The following RYR2 variants were observed in gnomAD, a reference collection of about 807,000 sequenced individuals.
The protein encoded by RYR2 is cardiac muscle ryanodine receptor-calcium release channel.
In RYR2, 227 loss-of-function variants were observed where a neutral mutation model predicts 601.1. That is an observed-to-expected ratio of 0.38 (90% CI 0.34 to 0.42). The LOEUF (loss-of-function observed/expected upper bound fraction) is 0.42, where lower values mean the gene tolerates loss of function less well. RYR2 is among the 10% of genes least tolerant of loss of function. The pLI is 1.00. For missense variants in RYR2, 4,646 were observed against 6,156.5 expected (o/e 0.75, Z 8.21); for synonymous variants, 2,223 against 2,175.1 (o/e 1.02, Z -0.61).
intron 5 of RYR2, 46 bp from the exon 6 acceptor site, chr1:237,369,486 CTT>C (rs781567832): frequency 6.8e-7 from 1 of 1,470,164 alleles, no homozygotes; most frequent in African/African-American, 1.4e-5. Flanking sequence ...TTAAGTTACT[CTT>C]TTGTGTTTTT....
rs183981893 is a variant in RYR2, at chr1:237,355,323, T to C, written c.274-642T>C. ...TGTAGAGACAGTCTTTGTTGACATA[T>C]GGCTTTTTTGTTTGTTCTGTTTACA... On this transcript the variant is annotated intron_variant, in intron 3 of 104. Coordinates refer to ENST00000366574, the MANE Select transcript of RYR2 (RefSeq NM_001035.3). Among the ~76,000 whole-genome samples, 30 of 152,286 alleles carry C rather than the reference T, an allele frequency of 2.0e-4. No individual in the cohort carries two copies. The East Asian group carries it at 5.8e-3, about 29-fold the overall frequency.
intron 1 of RYR2, among the ~76,000 whole-genome samples, chr1:237,148,841 T>C (rs1674373644): frequency 6.6e-6 from 1 of 152,076 alleles, no homozygotes; most frequent in Admixed American, 6.6e-5. Flanking sequence ...CTAAGACCTT[T>C]GTGATTTTAT....
At chr1:237,488,223 A>T (rs1381584927) in intron 17 of RYR2, among the ~76,000 whole-genome samples, 1 of 152,088 alleles carries the variant, frequency 6.6e-6, no homozygotes, top group Non-Finnish European at 1.5e-5. Flanking sequence ...TCTTTTTCTG[A>T]AAAAGGCTAG....
chr1:237,435,224 T>A (rs931516884), intron 12 of RYR2, among the ~76,000 whole-genome samples: 2 of 152,240 alleles, frequency 1.3e-5, no homozygotes, highest in Middle Eastern at 3.2e-3. Context: ...TGTCAAACAA[T>A]GTGCTGAGCA....
intron 1 of RYR2, among the ~76,000 whole-genome samples, chr1:237,104,565 C>A (rs1245555644): frequency 6.6e-6 from 1 of 152,152 alleles, no homozygotes. Context: ...AGGTGCTGTT[C>A]CCTTGCCTTT....
intron 1 of RYR2, among the ~76,000 whole-genome samples, chr1:237,086,777 C>T (rs1408392593): frequency 6.6e-6 from 1 of 152,150 alleles, no homozygotes; most frequent in African/African-American, 2.4e-5. Flanking sequence ...AGGTCACAGG[C>T]AGCGTTATGG....
In RYR2 at chr1:237,732,033, G is replaced by A. The variant is rs376086028; in HGVS notation, c.10936-13G>A. On this transcript the variant is annotated splice_polypyrimidine_tract_variant and intron_variant, in intron 77 of 104. Transcript: ENST00000366574. Reference sequence around the variant, plus strand: ...TTTTAATGTGACATTTTATAAATTTGACTTTTTTGCAGAAACCTGGGGCTG... The same window carrying A: ...TTTTAATGTGACATTTTATAAATTTAACTTTTTTGCAGAAACCTGGGGCTG... The A allele has an allele frequency of 6.4e-7, 1 of 1,554,262 alleles. No homozygotes were observed. The highest frequency in any genetic ancestry group is 8.8e-7 in the Non-Finnish European group (1 of 1,135,070).
intron 95 of RYR2, among the ~76,000 whole-genome samples, chr1:237,794,391 C>A (rs1349071586): frequency 6.6e-6 from 1 of 152,160 alleles, no homozygotes; most frequent in Non-Finnish European, 1.5e-5. Flanking sequence ...TTGAATTTTA[C>A]ACCTTGAATA....
At chr1:237,533,740 CTT>C (rs1668350775) in intron 25 of RYR2, among the ~76,000 whole-genome samples, 2 of 152,058 alleles carry the variant, frequency 1.3e-5, no homozygotes, top group African/African-American at 2.4e-5. Context: ...TAAGGACTGA[CTT>C]TTAAAAATCA....
intron 16 of RYR2, among the ~76,000 whole-genome samples, chr1:237,464,264 T>G (rs2150272269): frequency 6.6e-6 from 1 of 152,300 alleles, no homozygotes; most frequent in East Asian, 1.9e-4. Context: ...GTTACATTTT[T>G]TTGGACTTCC....
intron 1 of RYR2, among the ~76,000 whole-genome samples, chr1:237,050,521 A>G (rs935173568): frequency 4.6e-5 from 7 of 152,208 alleles, no homozygotes; most frequent in African/African-American, 1.7e-4. Flanking sequence ...TACTATGGCA[A>G]GCACTTTTTT....
At chr1:237,242,198 TTTTGTTTGTTTGTTTG>T (rs55825600) in intron 1 of RYR2, among the ~76,000 whole-genome samples, 2 of 150,496 alleles carry the variant, frequency 1.3e-5, no homozygotes, top group Non-Finnish European at 3.0e-5. Context: ...TCACTGTTTT[TTTTGTTTGTTTGTTTG>T]TTTGTTTGTT....
chr1:237,590,622 C>T lies in RYR2; in HGVS notation c.3808-18C>T, dbSNP rs996356470. ...CAATGGTGATTGGAATGTGAACTAT[C>T]GCTTCTTCGTTTGCTAGGTGACCAG... is the stretch of plus-strand genomic sequence containing the variant. On this transcript the variant is annotated intron_variant, in intron 30 of 104. Coordinates refer to ENST00000366574, the MANE Select transcript of RYR2 (RefSeq NM_001035.3). 6.7e-6 allele frequency: 10 copies of T among 1,489,722 alleles called. No individual in the cohort carries two copies. Among genetic ancestry groups the T allele is most frequent in the Middle Eastern group, 1.8e-4 (1 of 5,560 alleles). 92.3% of individuals were successfully genotyped at this position (1,489,722 alleles called of 1,614,324 possible). A position where few individuals can be genotyped will look rare whatever the true frequency, so the allele number is the denominator to read the frequency against.
chr1:237,284,525 T>TTG (rs1269783915), intron 2 of RYR2, among the ~76,000 whole-genome samples: 1 of 122,040 alleles, frequency 8.2e-6, no homozygotes, highest in South Asian at 2.6e-4. Context: ...AATATATGTA[T>TTG]TGTGTGTATA....
At chr1:237,633,287 G>A (rs187767646) in intron 42 of RYR2, among the ~76,000 whole-genome samples, 1 of 152,318 alleles carries the variant, frequency 6.6e-6, no homozygotes, top group East Asian at 1.9e-4. Flanking sequence ...GATAGCGGTA[G>A]TGAGGCATCA....
chr1:237,084,501 C>T lies in RYR2; in HGVS notation c.48+41932C>T, dbSNP rs149086476. ...AGGTGACTAGGCATGTCTAGTTATT[C>T]ATGAACATTAAGGTTGTTATTGCTT... On this transcript the variant is annotated intron_variant, in intron 1 of 104. Transcript: ENST00000366574. Among the ~76,000 whole-genome samples, 62 of 152,120 alleles carry T rather than the reference C, an allele frequency of 4.1e-4. No homozygotes were observed. The East Asian group carries it at 9.7e-3, about 24-fold the overall frequency.
At chr1:237,402,431 G>C (rs1176885098) in intron 10 of RYR2, among the ~76,000 whole-genome samples, 1 of 151,268 alleles carries the variant, frequency 6.6e-6, no homozygotes, top group African/African-American at 2.4e-5. Context: ...TGATTATTAT[G>C]TTCTAAGAAT....
intron 27 of RYR2, among the ~76,000 whole-genome samples, chr1:237,561,758 T>A (rs1464086663): frequency 6.6e-6 from 1 of 152,238 alleles, no homozygotes; most frequent in African/African-American, 2.4e-5. Context: ...AAGAGCTTGA[T>A]GTGTGATCAC....
At chr1:237,093,707 T>C (rs1667211452) in intron 1 of RYR2, among the ~76,000 whole-genome samples, 1 of 152,172 alleles carries the variant, frequency 6.6e-6, no homozygotes, top group African/African-American at 2.4e-5. Context: ...TGGATCTTAA[T>C]GAGCAGCTAG....
Sources: gnomAD v4.1 joint callset for allele counts (sites outside exome capture counted in the v4.1 genomes callset) on GRCh38, gnomAD v4.1.1 for gene constraint, MANE v1.5 for transcripts, NCBI Gene and HGNC (gene_info 2026-07-23, HGNC 2026-07-21) for gene names.